GPC5: variants seen among roughly 807,000 people sequenced by gnomAD.
The protein encoded by GPC5 is glypican 5.
A neutral mutation model predicts 53.9 loss-of-function variants in GPC5; 47 were observed. The ratio of observed to expected loss-of-function variants is 0.87; its 90% CI spans 0.69 to 1.11. The LOEUF is 1.11. Among genes scored for constraint, GPC5 ranks in the 50% most tolerant of loss-of-function variants. The pLI, the probability that GPC5 is intolerant of heterozygous loss-of-function variation, is 0.00. For missense variants in GPC5, 748 were observed against 713.1 expected (o/e 1.05, Z -0.56); for synonymous variants, 286 against 263.3 (o/e 1.09, Z -0.84).
At chr13:91,983,172 C>T (rs1034026540) in intron 6 of GPC5, among the ~76,000 whole-genome samples, 1 of 151,918 alleles carries the variant, frequency 6.6e-6, no homozygotes, top group African/African-American at 2.4e-5. Flanking sequence ...GGTGAAACCC[C>T]GTCTCTACTA....
chr13:92,423,757 T>C (rs756588228), intron 7 of GPC5, among the ~76,000 whole-genome samples: 3 of 152,160 alleles, frequency 2.0e-5, no homozygotes, highest in Non-Finnish European at 4.4e-5. Flanking sequence ...GCATCATTAG[T>C]AGTGAAATTA....
intron 7 of GPC5, among the ~76,000 whole-genome samples, chr13:92,163,494 GA>G (rs146371357): frequency 0.011 from 1,672 of 150,460 alleles, 48 homozygotes; most frequent in African/African-American, 0.038. Context: ...AAAGAAATAG[GA>G]AAGTCACAAC....
intron 1 of GPC5, among the ~76,000 whole-genome samples, chr13:91,437,677 C>T (rs921475325): frequency 6.6e-6 from 1 of 152,138 alleles, no homozygotes; most frequent in African/African-American, 2.4e-5. Flanking sequence ...GTGGCGTTCT[C>T]TGTATTTCCT....
intron 7 of GPC5, among the ~76,000 whole-genome samples, chr13:92,500,197 G>A (rs9589565): frequency 0.085 from 12,977 of 151,984 alleles, 673 homozygotes; most frequent in African/African-American, 0.14. Flanking sequence ...GTAGGGGTCC[G>A]TCCCACAGAC....
At chr13:92,565,784 T>G (rs1882844526) in intron 7 of GPC5, among the ~76,000 whole-genome samples, 1 of 152,072 alleles carries the variant, frequency 6.6e-6, no homozygotes, top group Non-Finnish European at 1.5e-5. Flanking sequence ...GCCTATTGAT[T>G]GAAGTTTCAC....
chr13:91,443,717 G>T (rs1289446898), intron 1 of GPC5, among the ~76,000 whole-genome samples: 1 of 152,128 alleles, frequency 6.6e-6, no homozygotes, highest in Non-Finnish European at 1.5e-5. Context: ...TTTGCTATCT[G>T]GTTAGTCGTT....
intron 6 of GPC5, among the ~76,000 whole-genome samples, chr13:92,030,722 T>C (rs1161338818): frequency 1.3e-5 from 2 of 152,146 alleles, no homozygotes; most frequent in Non-Finnish European, 1.5e-5. Context: ...GACTGGCCCG[T>C]CTACTGGGAC....
chr13:91,786,498 T>C (rs1463925512), intron 5 of GPC5, among the ~76,000 whole-genome samples: 1 of 152,194 alleles, frequency 6.6e-6, no homozygotes, highest in Non-Finnish European at 1.5e-5. Flanking sequence ...GTTGTTTTCA[T>C]TGATTATTGA....
chr13:92,369,971 A>G (rs918549043), intron 7 of GPC5, among the ~76,000 whole-genome samples: 2 of 152,328 alleles, frequency 1.3e-5, no homozygotes, highest in Non-Finnish European at 1.5e-5. Flanking sequence ...TAGTGTTTTT[A>G]GGCAGGTTCA....
intron 7 of GPC5, among the ~76,000 whole-genome samples, chr13:92,174,047 G>A (rs991473280): frequency 6.6e-6 from 1 of 152,098 alleles, no homozygotes; most frequent in African/African-American, 2.4e-5. Context: ...AGAGGTTTCA[G>A]TGAGCCAAGG....
intron 2 of GPC5, among the ~76,000 whole-genome samples, chr13:91,562,804 C>T (rs543344816): frequency 5.9e-5 from 9 of 151,820 alleles, no homozygotes; most frequent in Admixed American, 2.0e-4. Context: ...TAAAAATAAC[C>T]CAGAAACTTT....
At chr13:92,019,410 T>C (rs1394264165) in intron 6 of GPC5, among the ~76,000 whole-genome samples, 2 of 152,080 alleles carry the variant, frequency 1.3e-5, no homozygotes, top group Non-Finnish European at 1.5e-5. Context: ...TGTATGTGAA[T>C]GTGTGTGTGT....
chr13:91,965,270 G>A (rs911887920), intron 6 of GPC5, among the ~76,000 whole-genome samples: 2 of 152,066 alleles, frequency 1.3e-5, no homozygotes, highest in African/African-American at 2.4e-5. Flanking sequence ...TAACTCATAA[G>A]TACTCAATAA....
chr13:92,324,114 T>C (rs2043234312), intron 7 of GPC5, among the ~76,000 whole-genome samples: 1 of 151,936 alleles, frequency 6.6e-6, no homozygotes, highest in Non-Finnish European at 1.5e-5. Flanking sequence ...AATGAATAAG[T>C]CAATGAAGAA....
chr13:92,777,515 C>A (rs1449108523), intron 7 of GPC5, among the ~76,000 whole-genome samples: 1 of 151,782 alleles, frequency 6.6e-6, no homozygotes, highest in Non-Finnish European at 1.5e-5. Context: ...GTATTCCCAG[C>A]TACTTGGGAG....
intron 2 of GPC5, among the ~76,000 whole-genome samples, chr13:91,530,123 A>C (rs929767908): frequency 2.0e-5 from 3 of 152,202 alleles, no homozygotes; most frequent in Admixed American, 1.3e-4. Flanking sequence ...CATTTTGCGA[A>C]ACCTTCTTCA....
At chr13:91,754,198 T>C (rs537201485) in intron 4 of GPC5, among the ~76,000 whole-genome samples, 1 of 152,192 alleles carries the variant, frequency 6.6e-6, no homozygotes, top group East Asian at 1.9e-4. Flanking sequence ...TCCAAGAAAC[T>C]TAGATAAAAT....
At chr13:92,744,243 TA>T (rs1889184177) in intron 7 of GPC5, among the ~76,000 whole-genome samples, 1 of 150,570 alleles carries the variant, frequency 6.6e-6, no homozygotes, top group Non-Finnish European at 1.5e-5. Context: ...AAAAAAAAAA[TA>T]TGTACATAGA....
chr13:91,431,814 A>G (rs562862717), intron 1 of GPC5, among the ~76,000 whole-genome samples: 1 of 152,348 alleles, frequency 6.6e-6, no homozygotes, highest in African/African-American at 2.4e-5. Context: ...TATCTGTTGT[A>G]GCTTGATAAA....
Sources: gnomAD v4.1 joint callset for allele counts (sites outside exome capture counted in the v4.1 genomes callset) on GRCh38, gnomAD v4.1.1 for gene constraint, MANE v1.5 for transcripts, NCBI Gene and HGNC (gene_info 2026-07-23, HGNC 2026-07-21) for gene names.